Variants in CTNNBL1 observed in about 807,000 individuals in gnomAD.
CTNNBL1 encodes the protein catenin beta like 1.
In CTNNBL1, 31 loss-of-function variants were observed where a neutral mutation model predicts 72.7. The ratio of observed to expected loss-of-function variants is 0.43; its 90% CI spans 0.32 to 0.58. The LOEUF is 0.58. Among genes scored for constraint, CTNNBL1 ranks in the 20% least tolerant of loss-of-function variants. The probability of loss-of-function intolerance (pLI) is 0.08; values close to 1 mark genes in which losing one functional copy is unlikely to be tolerated. For synonymous variants in CTNNBL1, 240 were observed against 267.3 expected, an observed-to-expected ratio of 0.90 and a Z score of 1.00; for missense variants, 534 against 725.1, an observed-to-expected ratio of 0.74 and a Z score of 3.03.
chr20:37,704,980 T>C (rs1486461796), intron 1 of CTNNBL1, among the ~76,000 whole-genome samples: 1 of 152,236 alleles, frequency 6.6e-6, no homozygotes, highest in Non-Finnish European at 1.5e-5. Context: ...AATTGAGGGA[T>C]TGAATTTATA....
chr20:37,807,492 G>A (rs2071970165), intron 11 of CTNNBL1, among the ~76,000 whole-genome samples: 1 of 152,150 alleles, frequency 6.6e-6, no homozygotes, highest in Non-Finnish European at 1.5e-5. Context: ...TTCTTGATGG[G>A]AATGTCAGGA....
At chr20:37,721,795 T>C (rs2073042508) in intron 1 of CTNNBL1, among the ~76,000 whole-genome samples, 1 of 152,238 alleles carries the variant, frequency 6.6e-6, no homozygotes. Flanking sequence ...TTGTTTCTTA[T>C]TGTCCAGTGA....
chr20:37,793,616 C>A (rs1396868229), intron 10 of CTNNBL1, among the ~76,000 whole-genome samples: 1 of 152,184 alleles, frequency 6.6e-6, no homozygotes, highest in Non-Finnish European at 1.5e-5. Context: ...AAAAGAGGCA[C>A]CAGAAGTGCA....
At chr20:37,777,307 C>A in intron 7 of CTNNBL1, 38 bp from the exon 8 acceptor site, 4 of 1,525,512 alleles carry the variant, frequency 2.6e-6, no homozygotes, top group Non-Finnish European at 3.6e-6. Flanking sequence ...GAAGCAAGAC[C>A]CCTTAACATT....
chr20:37,867,531 A>G (rs2072546067), intron 15 of CTNNBL1, among the ~76,000 whole-genome samples: 2 of 152,156 alleles, frequency 1.3e-5, no homozygotes, highest in Admixed American at 1.3e-4. Flanking sequence ...TCTGAGTTCC[A>G]TCAAAGCCTT....
intron 13 of CTNNBL1, among the ~76,000 whole-genome samples, chr20:37,853,322 T>C (rs2072412586): frequency 6.6e-6 from 1 of 152,220 alleles, no homozygotes; most frequent in Non-Finnish European, 1.5e-5. Context: ...GTATTATAGA[T>C]CAGACTCCTT....
intron 11 of CTNNBL1, among the ~76,000 whole-genome samples, chr20:37,836,345 G>A (rs2072253718): frequency 1.3e-5 from 2 of 152,274 alleles, no homozygotes; most frequent in African/African-American, 2.4e-5. Flanking sequence ...GTAGGCCCTT[G>A]CCCCTGTTCT....
intron 1 of CTNNBL1, among the ~76,000 whole-genome samples, chr20:37,720,617 TA>T (rs2073032251): frequency 6.6e-6 from 1 of 152,260 alleles, no homozygotes; most frequent in Non-Finnish European, 1.5e-5. Flanking sequence ...CTTAGAGGTC[TA>T]AATAGTCCAG....
At chr20:37,695,036 A>T (rs2072778918) in intron 1 of CTNNBL1, 1 of 152,208 alleles carries the variant, frequency 6.6e-6, no homozygotes, top group Non-Finnish European at 1.5e-5. Flanking sequence ...GAAATACTGT[A>T]AGTATAAAGA....
At chr20:37,754,401 G>C (rs1001578105) in intron 4 of CTNNBL1, among the ~76,000 whole-genome samples, 2 of 150,288 alleles carry the variant, frequency 1.3e-5, no homozygotes, top group Non-Finnish European at 3.0e-5. Context: ...GATTATAGGT[G>C]TAAGCCACCG....
chr20:37,728,915 A>G (rs2073107349), intron 1 of CTNNBL1, among the ~76,000 whole-genome samples: 1 of 152,162 alleles, frequency 6.6e-6, no homozygotes, highest in Admixed American at 6.5e-5. Flanking sequence ...TACTTACACT[A>G]TTGATAAAAG....
intron 10 of CTNNBL1, among the ~76,000 whole-genome samples, chr20:37,801,027 C>T (rs2073819724): frequency 1.3e-5 from 2 of 152,258 alleles, no homozygotes; most frequent in Admixed American, 1.3e-4. Flanking sequence ...GTCATTCCTT[C>T]ACATGTCCTC....
intron 10 of CTNNBL1, among the ~76,000 whole-genome samples, chr20:37,780,667 C>T (rs1309516456): frequency 6.6e-6 from 1 of 152,028 alleles, no homozygotes; most frequent in African/African-American, 2.4e-5. Flanking sequence ...AATGTTTTGC[C>T]GTTATAACAA....
At chr20:37,741,417 C>T (rs966401818) in intron 3 of CTNNBL1, among the ~76,000 whole-genome samples, 1 of 152,180 alleles carries the variant, frequency 6.6e-6, no homozygotes. Flanking sequence ...TATATATTAT[C>T]TCTTTTAATC....
intron 10 of CTNNBL1, among the ~76,000 whole-genome samples, chr20:37,786,603 G>T (rs1300507902): frequency 6.6e-6 from 1 of 151,924 alleles, no homozygotes; most frequent in African/African-American, 2.4e-5. Flanking sequence ...ATGTGTATTT[G>T]TATATATATG....
intron 13 of CTNNBL1, among the ~76,000 whole-genome samples, chr20:37,859,192 A>G (rs574593638): frequency 6.6e-6 from 1 of 152,146 alleles, no homozygotes; most frequent in Non-Finnish European, 1.5e-5. Flanking sequence ...TCTTGTCTCT[A>G]CTAAAAATAC....
At chr20:37,802,749 A>G (rs1040142814) in intron 10 of CTNNBL1, 118 bp from the exon 11 acceptor site, 22 of 774,298 alleles carry the variant, frequency 2.8e-5, no homozygotes, top group Non-Finnish European at 3.7e-5. Flanking sequence ...AATTGTTAAC[A>G]AGTATGTAAT....
chr20:37,826,615 C>T (rs1215324022), intron 11 of CTNNBL1, among the ~76,000 whole-genome samples: 1 of 152,204 alleles, frequency 6.6e-6, no homozygotes, highest in East Asian at 1.9e-4. Flanking sequence ...GCCTCCTTCT[C>T]AACATTTTCT....
At chr20:37,782,330 CA>C (rs748973959) in intron 10 of CTNNBL1, among the ~76,000 whole-genome samples, 20 of 152,184 alleles carry the variant, frequency 1.3e-4, no homozygotes, top group Admixed American at 2.6e-4. Context: ...GAAGAAAGAT[CA>C]CAAACAAGAT....
Sources: gnomAD v4.1 joint callset for allele counts (sites outside exome capture counted in the v4.1 genomes callset) on GRCh38, gnomAD v4.1.1 for gene constraint, MANE v1.5 for transcripts, NCBI Gene and HGNC (gene_info 2026-07-23, HGNC 2026-07-21) for gene names.